The following OPCML variants were observed in gnomAD, a reference collection of about 807,000 sequenced individuals.
OPCML encodes the protein opioid binding protein/cell adhesion molecule like.
In OPCML, 13 loss-of-function variants were observed where a neutral mutation model predicts 37.8. That is an observed-to-expected ratio of 0.34 (90% CI 0.22 to 0.55). The LOEUF is 0.55. Among genes scored for constraint, OPCML ranks in the 20% least tolerant of loss-of-function variants. The probability of loss-of-function intolerance (pLI) is 0.91; values close to 1 mark genes in which losing one functional copy is unlikely to be tolerated. For missense variants in OPCML, 341 were observed against 435.6 expected (o/e 0.78, Z 1.93); for synonymous variants, 176 against 168.8 (o/e 1.04, Z -0.33).
chr11:132,935,001 T>C (rs1163405406), intron 2 of OPCML, among the ~76,000 whole-genome samples: 1 of 151,902 alleles, frequency 6.6e-6, no homozygotes, highest in Non-Finnish European at 1.5e-5. Flanking sequence ...AACCCGGGCA[T>C]GGTGATGCAT....
rs114891105 is a variant in OPCML, at chr11:133,426,818, A to T, written c.61+105446T>A. 6.5e-3 allele frequency among the ~76,000 whole-genome samples: 988 copies of T among 152,324 alleles called. 9 individuals carry two copies. Among genetic ancestry groups the T allele is most frequent in the African/African-American group, 0.022 (928 of 41,574 alleles). On this transcript the variant is annotated intron_variant, in intron 1 of 7. Transcript: ENST00000524381. ...GCCGCCATTTTCACATTCCCCAAAA[A>T]CATAACAGAAAGCAAGGTTAGAAAT...
At chr11:132,733,165 A>G (rs1945137746) in intron 2 of OPCML, among the ~76,000 whole-genome samples, 2 of 152,160 alleles carry the variant, frequency 1.3e-5, no homozygotes, top group South Asian at 4.1e-4. Flanking sequence ...TTTAACAAAG[A>G]TGGGTGACTG....
intron 2 of OPCML, among the ~76,000 whole-genome samples, chr11:132,691,434 G>T (rs546136307): frequency 6.6e-6 from 1 of 152,330 alleles, no homozygotes; most frequent in Non-Finnish European, 1.5e-5. Flanking sequence ...ATTTGCAATT[G>T]TGTCAACTTC....
chr11:132,939,301 C>A (rs889732144), intron 2 of OPCML, among the ~76,000 whole-genome samples: 2 of 152,206 alleles, frequency 1.3e-5, no homozygotes, highest in African/African-American at 4.8e-5. Context: ...AAAATCCCCA[C>A]TGCTCAGATT....
chr11:132,747,322 T>C (rs182227541), intron 2 of OPCML, among the ~76,000 whole-genome samples: 139 of 152,122 alleles, frequency 9.1e-4, no homozygotes, highest in Admixed American at 2.4e-3. Context: ...CCGTGTAAAA[T>C]TGGGAATAAG....
intron 1 of OPCML, among the ~76,000 whole-genome samples, chr11:132,999,562 A>ATG (rs1272994023): frequency 1.5e-5 from 2 of 130,114 alleles, no homozygotes; most frequent in African/African-American, 7.0e-5. Context: ...CAAGTGACAA[A>ATG]TGGGGTCGGG....
Position 133,078,774 on chromosome 11 carries a change from G to T in OPCML, c.62-135764C>A, listed in dbSNP as rs545444933. On this transcript the variant is annotated intron_variant, in intron 1 of 7. Coordinates refer to ENST00000524381, the MANE Select transcript of OPCML (RefSeq NM_001012393.5). ...AGGCACAAGAGGGCGCTCCGTGCCC[G>T]TGTATTTTAAGAATCTTGGCTGTCA... is the stretch of plus-strand genomic sequence containing the variant. Among the ~76,000 whole-genome samples, 17 of 152,230 alleles carry T rather than the reference G, an allele frequency of 1.1e-4. No homozygotes were observed. The South Asian group carries it at 3.5e-3, about 32-fold the overall frequency.
chr11:132,850,516 G>GGAGTGTGTGTGTGT (rs796790289), intron 2 of OPCML, among the ~76,000 whole-genome samples: 1,782 of 148,098 alleles, frequency 0.012, 39 homozygotes, highest in African/African-American at 0.042. Context: ...CTGTGGAAAG[G>GGAGTGTGTGTGTGT]GTGTGTGTGT....
intron 1 of OPCML, among the ~76,000 whole-genome samples, chr11:133,203,047 G>T (rs527340021): frequency 1.3e-5 from 2 of 152,190 alleles, no homozygotes; most frequent in Non-Finnish European, 2.9e-5. Flanking sequence ...CATAGGAGGT[G>T]CTGTTATGTC....
At chr11:132,984,158 C>T (rs1377366483) in intron 1 of OPCML, among the ~76,000 whole-genome samples, 3 of 152,184 alleles carry the variant, frequency 2.0e-5, no homozygotes, top group Non-Finnish European at 4.4e-5. Flanking sequence ...ATTTCATTGA[C>T]CCGGATCCAG....
intron 1 of OPCML, among the ~76,000 whole-genome samples, chr11:133,190,315 AC>A (rs1938250260): frequency 6.6e-6 from 1 of 152,198 alleles, no homozygotes; most frequent in Non-Finnish European, 1.5e-5. Context: ...ATTTTAAGGG[AC>A]AAAAAAAGAG....
intron 2 of OPCML, among the ~76,000 whole-genome samples, chr11:132,686,522 C>T (rs1472719099): frequency 3.3e-5 from 5 of 152,174 alleles, no homozygotes; most frequent in Non-Finnish European, 5.9e-5. Flanking sequence ...ATGTAAAGTC[C>T]TTCCAAAACA....
chr11:132,767,662 A>T (rs1488450236), intron 2 of OPCML, among the ~76,000 whole-genome samples: 2 of 152,008 alleles, frequency 1.3e-5, no homozygotes, highest in Non-Finnish European at 2.9e-5. Flanking sequence ...TCATTTCCAA[A>T]CTCTGTGCTT....
At chr11:133,215,396 C>T (rs1431784) in intron 1 of OPCML, among the ~76,000 whole-genome samples, 4,977 of 152,296 alleles carry the variant, frequency 0.033, 269 homozygotes, top group African/African-American at 0.11. Flanking sequence ...CTTATTCATT[C>T]CTTGCCCTCT....
At chr11:132,685,050 T>C (rs995836674) in intron 2 of OPCML, among the ~76,000 whole-genome samples, 2 of 152,244 alleles carry the variant, frequency 1.3e-5, no homozygotes, top group Non-Finnish European at 2.9e-5. Flanking sequence ...AAATTTGATA[T>C]CAGGACTGAT....
At chr11:133,312,773 C>T (rs573911190) in intron 1 of OPCML, among the ~76,000 whole-genome samples, 2 of 152,258 alleles carry the variant, frequency 1.3e-5, no homozygotes, top group East Asian at 3.9e-4. Context: ...CATTCTAAAA[C>T]TCTGTCATTT....
intron 2 of OPCML, among the ~76,000 whole-genome samples, chr11:132,909,665 G>GTCACA (rs1944358552): frequency 6.6e-6 from 1 of 152,226 alleles, no homozygotes; most frequent in African/African-American, 2.4e-5. Flanking sequence ...CTACCAGCCT[G>GTCACA]TCACATCAGT....
intron 4 of OPCML, among the ~76,000 whole-genome samples, chr11:132,480,752 T>G (rs2137014266): frequency 6.6e-6 from 1 of 152,270 alleles, no homozygotes; most frequent in Non-Finnish European, 1.5e-5. Flanking sequence ...ACCCAGAATT[T>G]CATATCCAGC....
chr11:132,920,484 G>T lies in OPCML; in HGVS notation c.146+22442C>A, dbSNP rs552675965. On this transcript the variant is annotated intron_variant, in intron 2 of 7. Coordinates refer to ENST00000524381, the MANE Select transcript of OPCML (RefSeq NM_001012393.5). ...AAGCTACATCAGTTAAAAGGACACT[G>T]GGTGCTCTGGGTGCTGTCTTGGATC... 1.4e-3 allele frequency among the ~76,000 whole-genome samples: 219 copies of T among 152,282 alleles called. 1 individual carries two copies. Among genetic ancestry groups the T allele is most frequent in the African/African-American group, 4.9e-3 (204 of 41,560 alleles).
Sources: gnomAD v4.1 joint callset for allele counts (sites outside exome capture counted in the v4.1 genomes callset) on GRCh38, gnomAD v4.1.1 for gene constraint, MANE v1.5 for transcripts, NCBI Gene and HGNC (gene_info 2026-07-23, HGNC 2026-07-21) for gene names.